The following B4GALNT3 variants were observed in gnomAD, a reference collection of about 807,000 sequenced individuals.
The protein encoded by B4GALNT3 is beta-1,4-N-acetylgalactosaminyltransferase 3.
B4GALNT3 carries 86 observed loss-of-function variants against 120.2 expected under a neutral mutation model. The observed-to-expected ratio is 0.72, with a 90% confidence interval of 0.60 to 0.86. The LOEUF (loss-of-function observed/expected upper bound fraction) is 0.86, where lower values mean the gene tolerates loss of function less well. Among genes scored for constraint, B4GALNT3 ranks in the 40% least tolerant of loss-of-function variants. B4GALNT3 has a pLI of 0.00. For missense variants in B4GALNT3, 1,167 were observed against 1,298.9 expected (o/e 0.90, Z 1.56); for synonymous variants, 518 against 510.4 (o/e 1.01, Z -0.20).
rs192946499 is a variant in B4GALNT3 at position 534,266 on chromosome 12, G to A, written c.170-900G>A. 9.9e-5 allele frequency among the ~76,000 whole-genome samples: 15 copies of A among 152,244 alleles called. No homozygotes were observed. In the East Asian group the frequency reaches 1.7e-3, roughly 18 times the overall value. On this transcript the variant is annotated intron_variant, in intron 1 of 19. Coordinates refer to ENST00000266383, the MANE Select transcript of B4GALNT3 (RefSeq NM_173593.4). ...TGAGGTGATCTCAAAAGCCTCTTTC[G>A]CTTCCAGTGGTCTACGGTTCTGGTT...
chr12:553,598 ACT>A lies in B4GALNT3; in HGVS notation c.1677_1678del (p.Gln560ValfsTer16). 6.2e-7 allele frequency: 1 copy of A among 1,614,010 alleles called. No homozygotes were observed. The highest frequency in any genetic ancestry group is 8.5e-7 in the Non-Finnish European group (1 of 1,179,908). The stretch of plus-strand genomic sequence containing the variant: ...GCCCGCTGGTGACAGCCCCAGGAAG[ACT>A]CAGTGGCTGAACCAGGTGGAGTCGT... ...PRPAGDSPRK[T>X]QWLNQVESYI... On this transcript the variant is annotated frameshift_variant, in exon 14 of 20. Coordinates refer to ENST00000266383, the MANE Select transcript of B4GALNT3 (RefSeq NM_173593.4). LOFTEE classifies it high-confidence loss of function.
chr12:462,740 T>G (rs1036553484), intron 1 of B4GALNT3, among the ~76,000 whole-genome samples: 2 of 152,172 alleles, frequency 1.3e-5, no homozygotes, highest in Non-Finnish European at 2.9e-5. Flanking sequence ...TCCCGTTATA[T>G]TCTACTCTCG....
chr12:548,258 T>G lies in B4GALNT3; in HGVS notation c.814T>G (p.Phe272Val). The change falls in exon 9 of 20, where the codon TTC becomes GTC. Residue 272 changes from phenylalanine to valine, a missense_variant. Coordinates refer to ENST00000266383, the MANE Select transcript of B4GALNT3 (RefSeq NM_173593.4). This position sits in a 1 kb window ranked among gnomAD's most constrained non-coding sequence, Gnocchi z 4.9. The part of the protein sequence containing the change: ...AWRRNDPGAK[F>V]TIIDSLSLSL... ...GCGACGGAACGACCCTGGAGCCAAG[T>G]TCACCATCATTGACTCCCTCTCCCT... 6.2e-7 allele frequency: 1 copy of G among 1,614,148 alleles called. No individual in the cohort carries two copies. Among genetic ancestry groups the G allele is most frequent in the Non-Finnish European group, 8.5e-7 (1 of 1,180,014 alleles).
intron 1 of B4GALNT3, among the ~76,000 whole-genome samples, chr12:499,602 C>T (rs957791232): frequency 5.9e-5 from 8 of 136,544 alleles, no homozygotes; most frequent in Non-Finnish European, 7.5e-5. Flanking sequence ...ACTCCTAGCC[C>T]GTGGAGCCCG....
At chr12:462,984 A>C (rs1946036947) in intron 1 of B4GALNT3, among the ~76,000 whole-genome samples, 1 of 152,186 alleles carries the variant, frequency 6.6e-6, no homozygotes, top group Non-Finnish European at 1.5e-5. Context: ...CTTGGATACC[A>C]ACAGGAACCA....
At chr12:561,205 T>C in intron 19 of B4GALNT3, 138 bp from the exon 20 acceptor site, 1 of 631,986 alleles carries the variant, frequency 1.6e-6, no homozygotes, top group Non-Finnish European at 2.8e-6. Context: ...GCTGCCTGGC[T>C]TCAAAGCCCA....
intron 1 of B4GALNT3, among the ~76,000 whole-genome samples, chr12:483,043 C>T (rs1373359804): frequency 6.6e-6 from 1 of 152,016 alleles, no homozygotes. Flanking sequence ...GAGTAGCTGG[C>T]ACTACAGGTG....
At chr12:489,972 C>A (rs868239969) in intron 1 of B4GALNT3, among the ~76,000 whole-genome samples, 14 of 152,290 alleles carry the variant, frequency 9.2e-5, no homozygotes, top group Middle Eastern at 3.4e-3. Context: ...ACTGGAAAGT[C>A]CTCAAATATA....
At chr12:506,111 T>C (rs1054383549) in intron 1 of B4GALNT3, among the ~76,000 whole-genome samples, 5 of 152,192 alleles carry the variant, frequency 3.3e-5, no homozygotes, top group African/African-American at 1.2e-4. Context: ...GTTCAGATTT[T>C]TTTTTTTTAG....
intron 1 of B4GALNT3, among the ~76,000 whole-genome samples, chr12:469,958 T>C (rs1189094555): frequency 1.3e-5 from 2 of 152,102 alleles, no homozygotes; most frequent in Non-Finnish European, 2.9e-5. Flanking sequence ...GGCCAGTTAA[T>C]GTACACCGTG....
chr12:506,018 G>A lies in B4GALNT3; in HGVS notation c.170-29148G>A, dbSNP rs536935349. Among the ~76,000 whole-genome samples, 21 of 152,188 alleles carry A rather than the reference G, an allele frequency of 1.4e-4. 1 individual carries two copies. In the South Asian group the frequency reaches 3.7e-3, roughly 27 times the overall value. On this transcript the variant is annotated intron_variant, in intron 1 of 19. Coordinates refer to ENST00000266383, the MANE Select transcript of B4GALNT3 (RefSeq NM_173593.4). ...CTTCTTATAAATCAGATTGTAACCC[G>A]ATTTGTCTGTCTCATTTTTTTACCC...
intron 1 of B4GALNT3, among the ~76,000 whole-genome samples, chr12:497,915 C>T (rs1035386611): frequency 1.1e-4 from 16 of 152,166 alleles, no homozygotes; most frequent in Admixed American, 1.0e-3. Context: ...AGCCTGTTTA[C>T]AGCCACTGGA....
chr12:514,312 C>T (rs1946628991), intron 1 of B4GALNT3, among the ~76,000 whole-genome samples: 3 of 151,500 alleles, frequency 2.0e-5, no homozygotes, highest in South Asian at 4.2e-4. Context: ...ATTCTCCTGC[C>T]TCAGCCTCCC....
chr12:470,796 T>C (rs913541723), intron 1 of B4GALNT3, among the ~76,000 whole-genome samples: 2 of 152,158 alleles, frequency 1.3e-5, no homozygotes, highest in African/African-American at 2.4e-5. Flanking sequence ...TGAAGTGCAG[T>C]GGCACGATCT....
chr12:475,169 G>A (rs554298335), intron 1 of B4GALNT3, among the ~76,000 whole-genome samples: 8 of 152,162 alleles, frequency 5.3e-5, no homozygotes, highest in East Asian at 1.9e-4. Flanking sequence ...GTGAAGAAAC[G>A]GTTACACTTT....
intron 1 of B4GALNT3, among the ~76,000 whole-genome samples, chr12:514,579 A>C (rs1946633955): frequency 6.6e-6 from 1 of 152,184 alleles, no homozygotes; most frequent in South Asian, 2.1e-4. Flanking sequence ...CACTGTCAAC[A>C]TTAGTTATGG....
chr12:552,205 G>T (rs1947090820), intron 12 of B4GALNT3, 42 bp downstream of exon 12: 2 of 1,524,814 alleles, frequency 1.3e-6, no homozygotes, highest in Non-Finnish European at 1.8e-6. Context: ...CCTTGCAGAG[G>T]GCTCTGCGGG....
rs770492282 is a variant in B4GALNT3, at chr12:556,834, G to A, written c.2348G>A (p.Ser783Asn). Residue 783 changes from serine to asparagine, a missense_variant, in exon 15 of 20, where the codon AGT becomes AAT. Coordinates refer to ENST00000266383, the MANE Select transcript of B4GALNT3 (RefSeq NM_173593.4). ...TGCTGGCCTCAGGGTTTCTCCTGGA[G>A]TCACCGAGCCGTGGTCCACTTCGTC... is the stretch of plus-strand genomic sequence containing the variant. ...KLCWPQGFSW[S>N]HRAVVHFVVP... 1.2e-6 allele frequency: 2 copies of A among 1,609,724 alleles called. No individual in the cohort carries two copies. Among genetic ancestry groups the A allele is most frequent in the Non-Finnish European group, 8.5e-7 (1 of 1,176,676 alleles).
At chr12:535,304 G>A (rs1466005867) in intron 2 of B4GALNT3, 35 bp downstream of exon 2, 3 of 1,585,000 alleles carry the variant, frequency 1.9e-6, no homozygotes, top group Non-Finnish European at 1.7e-6. Context: ...CCCTGCTGAT[G>A]CCTTAACAAA....
Sources: allele counts gnomAD v4.1 joint callset (sites outside exome capture counted in the v4.1 genomes callset), GRCh38; gene constraint gnomAD v4.1.1; non-coding constraint Gnocchi (gnomAD v3.1); transcripts MANE v1.5; gene names NCBI Gene and HGNC (gene_info 2026-07-23, HGNC 2026-07-21).